Variants in MARCHF11 observed in about 807,000 individuals in gnomAD.
MARCHF11 encodes E3 ubiquitin-protein ligase MARCHF11.
Under a neutral mutation model 37.3 loss-of-function variants are expected in MARCHF11, and 29 were observed. The ratio of observed to expected loss-of-function variants is 0.78; its 90% CI spans 0.58 to 1.06. MARCHF11 has a LOEUF of 1.06. Among genes scored for constraint, MARCHF11 ranks in the 50% least tolerant of loss-of-function variants. The probability of loss-of-function intolerance (pLI) is 0.00; values close to 1 mark genes in which losing one functional copy is unlikely to be tolerated. For synonymous variants in MARCHF11, 233 were observed against 228.0 expected, an observed-to-expected ratio of 1.02 and a Z score of -0.20; for missense variants, 482 against 533.4, an observed-to-expected ratio of 0.90 and a Z score of 0.95.
rs530184540 is a variant in MARCHF11, at chr5:16,166,543, A to G, written c.693+11183T>C. ...TATAAACCATTTCTATCAACACAGA[A>G]ATGGTTACATACAGAAACATTTACA... On this transcript the variant is annotated intron_variant, in intron 2 of 3. Transcript: ENST00000332432. 9.9e-5 allele frequency among the ~76,000 whole-genome samples: 15 copies of G among 152,046 alleles called. 1 individual carries two copies. In the South Asian group the frequency reaches 1.2e-3, roughly 13 times the overall value.
At chr5:16,080,283 C>T (rs906370769) in intron 3 of MARCHF11, among the ~76,000 whole-genome samples, 1 of 152,164 alleles carries the variant, frequency 6.6e-6, no homozygotes, top group African/African-American at 2.4e-5. Context: ...CCACTTGCTC[C>T]TCCTCCTAGA....
chr5:16,143,295 G>A (rs1412790977), intron 2 of MARCHF11, among the ~76,000 whole-genome samples: 1 of 152,128 alleles, frequency 6.6e-6, no homozygotes, highest in African/African-American at 2.4e-5. Context: ...GTGTGGGAAA[G>A]GACAGTTGAC....
intron 2 of MARCHF11, among the ~76,000 whole-genome samples, chr5:16,101,598 C>T (rs190104157): frequency 1.6e-4 from 25 of 152,276 alleles, no homozygotes; most frequent in Admixed American, 1.2e-3. Context: ...TATTTCATTA[C>T]TCCTCTCAAT....
At chr5:16,129,194 C>G (rs1390127625) in intron 2 of MARCHF11, 1 of 152,172 alleles carries the variant, frequency 6.6e-6, no homozygotes, top group Non-Finnish European at 1.5e-5. Context: ...CATAAGCTGA[C>G]ACTCTGCTGT....
At chr5:16,086,409 CAT>C (rs766601299) in intron 3 of MARCHF11, among the ~76,000 whole-genome samples, 16 of 152,232 alleles carry the variant, frequency 1.1e-4, no homozygotes, top group Non-Finnish European at 1.6e-4. Flanking sequence ...ACAAATTTCA[CAT>C]GTGTTTGTAT....
chr5:16,082,389 G>C (rs547889024), intron 3 of MARCHF11, among the ~76,000 whole-genome samples: 1 of 152,332 alleles, frequency 6.6e-6, no homozygotes, highest in East Asian at 1.9e-4. Flanking sequence ...TTCCTAATGA[G>C]CTACCAGAAC....
At chr5:16,107,048 G>A (rs575784762) in intron 2 of MARCHF11, among the ~76,000 whole-genome samples, 59 of 152,326 alleles carry the variant, frequency 3.9e-4, no homozygotes, top group Non-Finnish European at 7.1e-4. Context: ...GGCTGCAGGT[G>A]AGGTGTGTTA....
chr5:16,153,246 T>C (rs1212020846), intron 2 of MARCHF11, among the ~76,000 whole-genome samples: 1 of 151,828 alleles, frequency 6.6e-6, no homozygotes, highest in Admixed American at 6.6e-5. Context: ...ATGTAGAAAA[T>C]AGAGAAAAGG....
chr5:16,067,515 C>A lies in MARCHF11; in HGVS notation c.1165G>T (p.Asp389Tyr). ...RMRPHEDLSE[D>Y]NSSGEVVMRV... is the part of the protein sequence containing the mutation. Reference sequence around the variant, plus strand: ...ATCACAACCTCCCCCGAGCTGTTATCTTCTGATAAGTCTTCATGGGGCCTC... The same window carrying A: ...ATCACAACCTCCCCCGAGCTGTTATATTCTGATAAGTCTTCATGGGGCCTC... The change falls in exon 4 of 4, where the codon GAT becomes TAT. Residue 389 changes from aspartate to tyrosine, a missense_variant. Transcript: ENST00000332432. 1 of 1,613,942 alleles carries A rather than the reference C, an allele frequency of 6.2e-7. No homozygotes were observed. Among genetic ancestry groups the A allele is most frequent in the East Asian group, 2.2e-5 (1 of 44,878 alleles).
chr5:16,120,924 C>A (rs1737299924), intron 2 of MARCHF11, among the ~76,000 whole-genome samples: 3 of 152,188 alleles, frequency 2.0e-5, no homozygotes, highest in Admixed American at 2.0e-4. Flanking sequence ...CCCAGCTGAG[C>A]CCAGTCAACT....
chr5:16,118,141 C>A (rs901016401), intron 2 of MARCHF11, among the ~76,000 whole-genome samples: 1 of 152,174 alleles, frequency 6.6e-6, no homozygotes, highest in Non-Finnish European at 1.5e-5. Flanking sequence ...TCCTGAGGAA[C>A]ACACAGAACC....
intron 3 of MARCHF11, among the ~76,000 whole-genome samples, chr5:16,084,417 C>T (rs774852277): frequency 8.6e-5 from 13 of 152,004 alleles, no homozygotes; most frequent in Non-Finnish European, 1.6e-4. Context: ...CCGAGGCAGG[C>T]GGGTCACTTG....
At chr5:16,107,660 T>G (rs186479516) in intron 2 of MARCHF11, among the ~76,000 whole-genome samples, 1 of 152,072 alleles carries the variant, frequency 6.6e-6, no homozygotes, top group South Asian at 2.1e-4. Flanking sequence ...TTCTTGTTTT[T>G]GTGCCCAAAA....
chr5:16,134,303 G>A (rs1385203345), intron 2 of MARCHF11, among the ~76,000 whole-genome samples: 1 of 152,122 alleles, frequency 6.6e-6, no homozygotes, highest in East Asian at 1.9e-4. Context: ...ACCTAATGGG[G>A]AAGGTTTAGG....
intron 2 of MARCHF11, among the ~76,000 whole-genome samples, chr5:16,149,119 CT>C (rs1257912735): frequency 6.6e-6 from 1 of 152,092 alleles, no homozygotes; most frequent in African/African-American, 2.4e-5. Flanking sequence ...TTAAAAATCA[CT>C]GCTAAATCCC....
chr5:16,071,241 T>C (rs1736431909), intron 3 of MARCHF11, among the ~76,000 whole-genome samples: 1 of 152,166 alleles, frequency 6.6e-6, no homozygotes, highest in South Asian at 2.1e-4. Flanking sequence ...AAAACGTAAA[T>C]ACTGAATATT....
At chr5:16,160,981 A>G (rs1044409773) in intron 2 of MARCHF11, among the ~76,000 whole-genome samples, 11 of 151,974 alleles carry the variant, frequency 7.2e-5, no homozygotes, top group Non-Finnish European at 1.3e-4. Context: ...ACCAACACTT[A>G]GGATGCTTGC....
chr5:16,113,305 C>A (rs1359423250), intron 2 of MARCHF11, among the ~76,000 whole-genome samples: 2 of 152,048 alleles, frequency 1.3e-5, no homozygotes, highest in African/African-American at 4.8e-5. Flanking sequence ...CTAAAGGATG[C>A]AATCTATATC....
At chr5:16,103,249 G>A (rs1736989432) in intron 2 of MARCHF11, among the ~76,000 whole-genome samples, 1 of 152,176 alleles carries the variant, frequency 6.6e-6, no homozygotes, top group South Asian at 2.1e-4. Flanking sequence ...CAGCACTTGA[G>A]CTGAGTTTGA....
Sources: allele counts gnomAD v4.1 joint callset (sites outside exome capture counted in the v4.1 genomes callset), GRCh38; gene constraint gnomAD v4.1.1; transcripts MANE v1.5; gene names NCBI Gene and HGNC (gene_info 2026-07-23, HGNC 2026-07-21).